Variants in LHX1 observed in about 807,000 individuals in gnomAD.
LHX1 encodes the protein LIM/homeobox protein Lhx1.
Under a neutral mutation model 34.1 loss-of-function variants are expected in LHX1, and 9 were observed. The ratio of observed to expected loss-of-function variants is 0.26; its 90% CI spans 0.16 to 0.46. The LOEUF (loss-of-function observed/expected upper bound fraction) is 0.46. Among genes scored for constraint, LHX1 ranks in the 20% least tolerant of loss-of-function variants. The probability of loss-of-function intolerance (pLI) is 1.00; values close to 1 mark genes in which losing one functional copy is unlikely to be tolerated. For synonymous variants in LHX1, 254 were observed against 241.5 expected (o/e 1.05, Z -0.48); for missense variants, 446 against 559.1 (o/e 0.80, Z 2.04).
At position 36,940,868 on chromosome 17, in the gene LHX1, TC is replaced by T. The variant is rs1399319828; in HGVS notation, c.657del (p.Asn220ThrfsTer19). The T allele has an allele frequency of 6.2e-7, 1 of 1,604,454 alleles. No homozygotes were observed. The highest frequency in any genetic ancestry group is 8.5e-7 in the Non-Finnish European group (1 of 1,177,246). On this transcript the variant is annotated frameshift_variant, in exon 3 of 5. Transcript: ENST00000614239. LOFTEE classifies it high-confidence loss of function. ...GAGCAGCTGGCGCAGGAGACCGGCC[TC>T]AACATGCGCGTCATTCAGGTCAGGC... ...IREQLAQETG[L>X]NMRVIQVWFQ...
At chr17:36,938,435 A>G (rs2070743564) in intron 1 of LHX1, 68 bp downstream of exon 1, 1 of 1,527,472 alleles carries the variant, frequency 6.5e-7, no homozygotes, top group Non-Finnish European at 9.1e-7. Flanking sequence ...GCTTCGGATC[A>G]GAGGTTAGCG....
At position 36,940,709 on chromosome 17, in the gene LHX1, C is replaced by T; in HGVS notation, c.497C>T (p.Ala166Val). The change falls in exon 3 of 5, where the codon GCG (alanine) becomes GTG (valine). Residue 166 changes from alanine (A) to valine (V), a missense_variant. Physicochemically the swap from Ala to Val is moderately conservative, Grantham distance 64. This residue lies in a region of LHX1 where 168 missense variants were observed against 226.6 expected (regional missense o/e 0.74). Transcript: ENST00000614239. ...SESANVSDKE[A>V]GSNENDDQNL... ...AGCGCCAACGTGTCGGACAAGGAAG[C>T]GGGTAGCAACGAGAATGACGACCAG... 1 of 1,613,772 alleles carries T rather than the reference C, an allele frequency of 6.2e-7. No individual in the cohort carries two copies.
intron 3 of LHX1, chr17:36,941,119 G>A (rs1250148619): frequency 5.4e-6 from 4 of 747,108 alleles, no homozygotes; most frequent in Non-Finnish European, 9.4e-6. Context: ...GGAGGGGGAG[G>A]GACGGGAGTT....
At position 36,940,380 on chromosome 17, in the gene LHX1, C is replaced by A. The variant is rs780028031; in HGVS notation, c.261C>A (p.Asn87Lys). Residue 87 changes from asparagine (N) to lysine (K), a missense_variant, in exon 2 of 5, where the codon AAC becomes AAA. By Grantham distance (94) the Asn-to-Lys change is moderately conservative. Transcript: ENST00000614239. ...RRARSKVFHL[N>K]CFTCMMCNKQ... ...CGCGGAGCAAAGTGTTTCACCTGAA[C>A]TGCTTCACCTGCATGATGTGTAACA... is the stretch of plus-strand genomic sequence containing the variant. 3.1e-6 allele frequency: 5 copies of A among 1,613,496 alleles called. No homozygotes were observed. In the South Asian group the frequency reaches 5.5e-5, roughly 18 times the overall value.
At position 36,940,331 on chromosome 17, in the gene LHX1, C is replaced by T. The variant is rs202067640; in HGVS notation, c.212C>T (p.Ser71Phe). 123 of 1,394,290 alleles carry T rather than the reference C, an allele frequency of 8.8e-5. No individual in the cohort carries two copies. The East Asian group carries it at 4.7e-3, about 53-fold the overall frequency. The allele number at this position is 1,394,290 out of a possible 1,614,324, so 86.4% of individuals were successfully genotyped here. ...TGCGCAGGCTGCGCTCAGGGCATCT[C>T]CCCTAGCGACCTGGTGCGGAGAGCG... ...TKCAGCAQGI[S>F]PSDLVRRARS... Residue 71 changes from serine to phenylalanine, a missense_variant, in exon 2 of 5, where the codon TCC becomes TTC. Ser to Phe is a radical substitution (Grantham distance 155). Coordinates refer to ENST00000614239, the MANE Select transcript of LHX1 (RefSeq NM_005568.5).
At position 36,943,098 on chromosome 17, in the gene LHX1, C is replaced by A. The variant is rs376578880; in HGVS notation, c.1188C>A (p.His396Gln). 1.2e-6 allele frequency: 2 copies of A among 1,610,756 alleles called. No individual in the cohort carries two copies. Among genetic ancestry groups the A allele is most frequent in the Non-Finnish European group, 1.7e-6 (2 of 1,178,974 alleles). ...CGAGCTACGGAAACCACCTGTCCCA[C>A]CCCCCCGAAATGAACGAGGCGGCCG... ...GGASYGNHLS[H>Q]PPEMNEAAVW The change falls in exon 5 of 5, where the codon CAC (histidine) becomes CAA (glutamine). Residue 396 changes from histidine to glutamine, a missense_variant. This residue lies in a region of LHX1 where 235 missense variants were observed against 224.4 expected (regional missense o/e 1.05). Transcript: ENST00000614239.
In LHX1 at chr17:36,937,676, C is replaced by T; in HGVS notation, c.-522C>T. ...GGGGGGAAATCCCAGTGGTGGGCAG[C>T]CTGGCACGCACACAGTCGCCCTCAT... On this transcript the variant is annotated 5_prime_UTR_variant, in exon 1 of 5. Transcript: ENST00000614239. The T allele has an allele frequency of 2.6e-6, 1 of 386,470 alleles. No homozygotes were observed. Among genetic ancestry groups the T allele is most frequent in the Non-Finnish European group, 5.2e-6 (1 of 193,184 alleles). The allele number at this position is 386,470 out of a possible 1,614,324, so 23.9% of individuals were successfully genotyped here. A position where few individuals can be genotyped will look rare whatever the true frequency, so the allele number is the denominator to read the frequency against.
intron 4 of LHX1, 114 bp downstream of exon 4, chr17:36,942,479 C>A: frequency 8.6e-7 from 1 of 1,164,812 alleles, no homozygotes; most frequent in Non-Finnish European, 1.2e-6. Flanking sequence ...AGAGTTGGGG[C>A]GAGTAGGGAG....
Position 36,943,244 on chromosome 17 carries a change from T to C in LHX1, c.*113T>C. ...AAGTCCCCACCCCCTTCCTCCAGCC[T>C]CGAGAACCATTCTCCTTCTGGGGAG... On this transcript the variant is annotated 3_prime_UTR_variant, in exon 5 of 5. Transcript: ENST00000614239. The C allele has an allele frequency of 4.0e-6, 5 of 1,254,176 alleles. No homozygotes were observed. In the Admixed American group the frequency reaches 1.3e-4, roughly 33 times the overall value. The allele number at this position is 1,254,176 out of a possible 1,614,324, so 77.7% of individuals were successfully genotyped here.
intron 2 of LHX1, 29 bp from the exon 3 acceptor site, chr17:36,940,581 C>T (rs1009328627): frequency 3.3e-5 from 54 of 1,613,686 alleles, no homozygotes; most frequent in Non-Finnish European, 4.6e-5. Flanking sequence ...CTCGCCAAGG[C>T]CCCGGCTCAT....
intron 3 of LHX1, chr17:36,941,383 C>A (rs2142183490): frequency 8.8e-6 from 3 of 342,288 alleles, no homozygotes; most frequent in East Asian, 1.6e-4. Flanking sequence ...GGTGGTTCCG[C>A]CGGGAGTCAG....
rs371008313 is a variant in LHX1, at chr17:36,942,253, C to T, written c.729C>T (p.Ala243=). The change falls in exon 4 of 5, where the codon GCC becomes GCT. Residue 243 remains alanine (A), a synonymous_variant. Transcript: ENST00000614239. ...SKERRMKQLS[A]LGARRHAFFR... Reference sequence around the variant, plus strand: ...AGCGGAGGATGAAGCAGCTGAGCGCCCTGGGCGCCCGGCGCCACGCCTTCT... The same window carrying T: ...AGCGGAGGATGAAGCAGCTGAGCGCTCTGGGCGCCCGGCGCCACGCCTTCT... 9.3e-5 allele frequency: 149 copies of T among 1,600,980 alleles called. No homozygotes were observed. The highest frequency in any genetic ancestry group is 1.2e-4 in the Non-Finnish European group (142 of 1,175,906).
chr17:36,942,081 AC>A, intron 3 of LHX1, 118 bp from the exon 4 acceptor site: 54 of 1,023,902 alleles, frequency 5.3e-5, no homozygotes, highest in Non-Finnish European at 6.3e-5. Flanking sequence ...ACACACACAC[AC>A]AAGCGCGCGC....
At position 36,940,478 on chromosome 17, in the gene LHX1, G is replaced by A. The variant is rs769284533; in HGVS notation, c.359G>A (p.Ser120Asn). The A allele has an allele frequency of 7.4e-6, 12 of 1,613,950 alleles. No individual in the cohort carries two copies. The highest frequency in any genetic ancestry group is 9.3e-6 in the Non-Finnish European group (11 of 1,180,054). Residue 120 changes from serine to asparagine, a missense_variant, in exon 2 of 5, where the codon AGT becomes AAT. By Grantham distance (46) the Ser-to-Asn change is conservative. This residue lies in a region of LHX1 where 168 missense variants were observed against 226.6 expected (regional missense o/e 0.74). Transcript: ENST00000614239. Reference sequence around the variant, plus strand: ...TTCGTCTGCAAAGAGGATTACCTAAGTAACAGCAGTGTTGCCAAAGAGAAC... The same window carrying A: ...TTCGTCTGCAAAGAGGATTACCTAAATAACAGCAGTGTTGCCAAAGAGAAC... ...NKFVCKEDYLSNSSVAKENSL... is the reference protein window; with the variant it reads ...NKFVCKEDYLNNSSVAKENSL...
intron 1 of LHX1, among the ~76,000 whole-genome samples, chr17:36,939,363 G>A (rs1470650406): frequency 1.3e-5 from 2 of 152,176 alleles, no homozygotes; most frequent in Admixed American, 6.5e-5. Flanking sequence ...TGTGGTCATA[G>A]TTCAAACCAG....
upstream of LHX1, chr17:36,937,042 C>CAAAA (rs113265097): frequency 1.5e-3 from 355 of 235,468 alleles, 1 homozygote; most frequent in African/African-American, 8.9e-3. Flanking sequence ...AAAAGAAAAA[C>CAAAA]AAAAAAAAAA....
At chr17:36,940,257 C>CGGGGGGGGGGGGGGG in intron 1 of LHX1, 33 bp from the exon 2 acceptor site, 1 of 515,266 alleles carries the variant, frequency 1.9e-6, no homozygotes. Context: ...TGACCCATCC[C>CGGGGGGGGGGGGGGG]CGCCCCCGCC....
rs1351257669 is a variant in LHX1 at position 36,944,015 on chromosome 17, A to AAT, written c.*889_*890dup. 9 of 152,200 alleles carry AAT rather than the reference A, an allele frequency of 5.9e-5. No individual in the cohort carries two copies. The highest frequency in any genetic ancestry group is 3.4e-3 in the Middle Eastern group (1 of 294). The allele number at this position is 152,200 out of a possible 1,614,324, so 9.4% of individuals were successfully genotyped here. ...AAATTCAGGAGTTCAGTGTTTTACTAATATATCCTGTTTTGAAACCTCTTG... is the reference window on the plus strand; with the variant it reads ...AAATTCAGGAGTTCAGTGTTTTACTAATATATATCCTGTTTTGAAACCTCTTG... On this transcript the variant is annotated 3_prime_UTR_variant, in exon 5 of 5. Coordinates refer to ENST00000614239, the MANE Select transcript of LHX1 (RefSeq NM_005568.5).
At chr17:36,942,442 C>T (rs1247974612) in intron 4 of LHX1, 77 bp downstream of exon 4, 4 of 1,430,526 alleles carry the variant, frequency 2.8e-6, no homozygotes, top group Non-Finnish European at 3.8e-6. Flanking sequence ...CGCGGGGGGG[C>T]ACGCCTCGCT....
Sources: gnomAD v4.1 joint callset for allele counts (sites outside exome capture counted in the v4.1 genomes callset) on GRCh38, gnomAD v4.1.1 for gene constraint, gnomAD v4.1.1 regional missense constraint, MANE v1.5 for transcripts, NCBI Gene and HGNC (gene_info 2026-07-23, HGNC 2026-07-21) for gene names.